Variants in TARBP1 observed in about 807,000 individuals in gnomAD.
TARBP1 encodes tRNA (guanosine(18)-2'-O)-methyltransferase TARBP1.
A neutral mutation model predicts 178.6 loss-of-function variants in TARBP1; 144 were observed. The ratio of observed to expected loss-of-function variants is 0.81; its 90% CI spans 0.70 to 0.93. The LOEUF (loss-of-function observed/expected upper bound fraction) is 0.93, where lower values mean the gene tolerates loss of function less well. Ranked by LOEUF, TARBP1 falls within the 40% of genes least tolerant of loss-of-function variation. The pLI is 0.00. For missense variants in TARBP1, 2,067 were observed against 2,011.7 expected (o/e 1.03, Z -0.53); for synonymous variants, 787 against 781.0 (o/e 1.01, Z -0.13).
chr1:234,432,891 C>A (rs989163550), intron 14 of TARBP1, among the ~76,000 whole-genome samples: 1 of 152,070 alleles, frequency 6.6e-6, no homozygotes, highest in African/African-American at 2.4e-5. Context: ...CACGTTTGGG[C>A]AAAAGACCTA....
rs186221901 is a variant in TARBP1, at chr1:234,409,079, C to T, written c.3792+1366G>A. 2.3e-3 allele frequency among the ~76,000 whole-genome samples: 353 copies of T among 152,122 alleles called. 3 individuals carry two copies. Among genetic ancestry groups the T allele is most frequent in the Non-Finnish European group, 1.8e-3 (122 of 67,992 alleles). The stretch of plus-strand genomic sequence containing the variant: ...AAACCTACATTTATCTAGGTAACAA[C>T]GGACTTTACGTATCACAAATGAAGA... On this transcript the variant is annotated intron_variant, in intron 23 of 29. Transcript: ENST00000040877.
At chr1:234,413,805 G>A (rs1662119096) in intron 22 of TARBP1, among the ~76,000 whole-genome samples, 1 of 152,196 alleles carries the variant, frequency 6.6e-6, no homozygotes, top group Non-Finnish European at 1.5e-5. Context: ...CCACTGCAAG[G>A]ATGACAGTAG....
At chr1:234,435,391 A>C (rs115693882) in intron 13 of TARBP1, among the ~76,000 whole-genome samples, 3,572 of 152,228 alleles carry the variant, frequency 0.023, 60 homozygotes, top group South Asian at 0.062. Context: ...GCTGAGGCAG[A>C]AGATTGCTTG....
At chr1:234,436,595 T>C (rs1665050011) in intron 13 of TARBP1, among the ~76,000 whole-genome samples, 1 of 152,250 alleles carries the variant, frequency 6.6e-6, no homozygotes, top group African/African-American at 2.4e-5. Flanking sequence ...CAAACAAATG[T>C]ATTAATATTT....
intron 17 of TARBP1, among the ~76,000 whole-genome samples, chr1:234,428,322 C>A (rs1351194746): frequency 1.3e-5 from 2 of 151,438 alleles, no homozygotes; most frequent in African/African-American, 2.4e-5. Flanking sequence ...GGGTTACAGT[C>A]AGAAAAATAT....
intron 6 of TARBP1, among the ~76,000 whole-genome samples, chr1:234,461,371 C>A (rs1007252293): frequency 6.6e-6 from 1 of 152,182 alleles, no homozygotes; most frequent in African/African-American, 2.4e-5. Context: ...GTGGCTTGAT[C>A]TTGGCTTACT....
At position 234,478,341 on chromosome 1, in the gene TARBP1, C is replaced by T; in HGVS notation, c.763G>A (p.Ala255Thr). 1 of 1,284,382 alleles carries T rather than the reference C, an allele frequency of 7.8e-7. No individual in the cohort carries two copies. The highest frequency in any genetic ancestry group is 3.2e-5 in the East Asian group (1 of 30,860). The allele number at this position is 1,284,382 out of a possible 1,614,324, so 79.6% of individuals were successfully genotyped here. Reference protein sequence around the residue: ...GGDRARGAREAGPDARRCWRF... With the variant: ...GGDRARGARETGPDARRCWRF... ...CAGCAGCGCCGGGCGTCCGGGCCCGCCTCGCGCGCGCCGCGGGCGCGGTCG... is the reference window on the plus strand; with the variant it reads ...CAGCAGCGCCGGGCGTCCGGGCCCGTCTCGCGCGCGCCGCGGGCGCGGTCG... Residue 255 changes from alanine to threonine, a missense_variant, in exon 1 of 30, where the codon GCG becomes ACG. Physicochemically the swap from Ala to Thr is moderately conservative, Grantham distance 58. Transcript: ENST00000040877.
At chr1:234,423,730 C>T (rs1280916170) in intron 20 of TARBP1, among the ~76,000 whole-genome samples, 1 of 151,568 alleles carries the variant, frequency 6.6e-6, no homozygotes, top group Non-Finnish European at 1.5e-5. Flanking sequence ...CCTCCTGACC[C>T]CTCTCTCTTT....
chr1:234,432,519 TG>T (rs1418607603), intron 14 of TARBP1, among the ~76,000 whole-genome samples: 1 of 151,988 alleles, frequency 6.6e-6, no homozygotes, highest in Non-Finnish European at 1.5e-5. Context: ...ACACTACAAG[TG>T]AGGCATAAAG....
At chr1:234,398,339 C>T (rs370361420) in intron 26 of TARBP1, 43 bp downstream of exon 26, 3 of 1,509,016 alleles carry the variant, frequency 2.0e-6, no homozygotes, top group African/African-American at 1.4e-5. Flanking sequence ...AAAATCTAAC[C>T]AGATCAACAA....
chr1:234,410,593 A>C, intron 22 of TARBP1, 62 bp from the exon 23 acceptor site: 1 of 1,100,824 alleles, frequency 9.1e-7, no homozygotes. Flanking sequence ...ATGCACGTGA[A>C]AGCGCCGTGC....
chr1:234,398,176 TA>T (rs1214609857), intron 26 of TARBP1: 9 of 351,094 alleles, frequency 2.6e-5, no homozygotes, highest in East Asian at 4.7e-5. Context: ...TTTTTTTTTT[TA>T]AATAGCTTTA....
At chr1:234,396,765 T>TAAA (rs1023161644) in intron 26 of TARBP1, among the ~76,000 whole-genome samples, 1 of 149,666 alleles carries the variant, frequency 6.7e-6, no homozygotes, top group East Asian at 2.0e-4. Flanking sequence ...AATTGGCCTT[T>TAAA]AAAAAAAAAG....
intron 1 of TARBP1, among the ~76,000 whole-genome samples, chr1:234,474,485 C>T (rs921098502): frequency 2.0e-5 from 3 of 152,108 alleles, no homozygotes; most frequent in African/African-American, 7.2e-5. Flanking sequence ...CACAGGAGGT[C>T]CAGCAAGTGC....
chr1:234,473,598 T>C (rs1242350571), intron 1 of TARBP1, among the ~76,000 whole-genome samples: 1 of 152,236 alleles, frequency 6.6e-6, no homozygotes, highest in Non-Finnish European at 1.5e-5. Context: ...GAAGATGTTC[T>C]CTGCAGAATC....
At chr1:234,391,845 T>C in intron 29 of TARBP1, 100 bp from the exon 30 acceptor site, 1 of 1,254,434 alleles carries the variant, frequency 8.0e-7, no homozygotes, top group Middle Eastern at 2.7e-4. Flanking sequence ...TTTTTCTCTT[T>C]GATATTCTGA....
chr1:234,470,557 G>C (rs1392908368), intron 3 of TARBP1, among the ~76,000 whole-genome samples: 1 of 125,764 alleles, frequency 8.0e-6, no homozygotes. Flanking sequence ...CATCATCAAC[G>C]GTTTAAAAAA....
At chr1:234,446,284 A>G (rs1415166574) in intron 12 of TARBP1, among the ~76,000 whole-genome samples, 1 of 152,178 alleles carries the variant, frequency 6.6e-6, no homozygotes, top group African/African-American at 2.4e-5. Context: ...AAAGAGCTCA[A>G]TGCTTCTACT....
chr1:234,396,986 T>C (rs1025864655), intron 26 of TARBP1, among the ~76,000 whole-genome samples: 1 of 151,566 alleles, frequency 6.6e-6, no homozygotes, highest in Non-Finnish European at 1.5e-5. Flanking sequence ...GAGGGCAGCG[T>C]CCATTTTCCA....
Sources: gnomAD v4.1 joint callset for allele counts (sites outside exome capture counted in the v4.1 genomes callset) on GRCh38, gnomAD v4.1.1 for gene constraint, MANE v1.5 for transcripts, NCBI Gene and HGNC (gene_info 2026-07-23, HGNC 2026-07-21) for gene names.